Variants in TSPOAP1 observed in about 807,000 individuals in gnomAD.
The protein encoded by TSPOAP1 is peripheral-type benzodiazepine receptor-associated protein 1.
In TSPOAP1, 87 loss-of-function variants were observed where a neutral mutation model predicts 197.0. The observed-to-expected ratio is 0.44, with a 90% CI of 0.37 to 0.53. TSPOAP1 has a LOEUF of 0.53. Ranked by LOEUF, TSPOAP1 falls within the 20% of genes least tolerant of loss-of-function variation. The probability of loss-of-function intolerance (pLI) is 0.00; values close to 1 mark genes in which losing one functional copy is unlikely to be tolerated. For synonymous variants in TSPOAP1, 913 were observed against 998.9 expected (o/e 0.91, Z 1.62); for missense variants, 2,174 against 2,411.3 (o/e 0.90, Z 2.06).
In TSPOAP1 at chr17:58,322,188, G is replaced by T; in HGVS notation, c.1422+120C>A. ...CTGACTGCTCAGGGACCTGGTCTTT[G>T]TTCCCCACAGTCTCCCCGACGCCTA... is the stretch of plus-strand genomic sequence containing the variant. On this transcript the variant is annotated intron_variant, in intron 10 of 31. Coordinates refer to ENST00000343736, the MANE Select transcript of TSPOAP1 (RefSeq NM_004758.4). This position sits in a 1 kb window ranked among gnomAD's most constrained non-coding sequence, Gnocchi z 5.0. 9.9e-7 allele frequency: 1 copy of T among 1,005,036 alleles called. No homozygotes were observed. Among genetic ancestry groups the T allele is most frequent in the Non-Finnish European group, 1.5e-6 (1 of 678,982 alleles). 62.3% of individuals were successfully genotyped at this position (1,005,036 alleles called of 1,614,324 possible).
intron 10 of TSPOAP1, among the ~76,000 whole-genome samples, chr17:58,321,069 A>G (rs1971391605): frequency 6.6e-6 from 1 of 152,090 alleles, no homozygotes; most frequent in Non-Finnish European, 1.5e-5. Flanking sequence ...CCATAACCCC[A>G]GGCTCATGTA....
chr17:58,306,616 C>T lies in TSPOAP1; in HGVS notation c.5152+184G>A, dbSNP rs528335501. 2.6e-4 allele frequency: 242 copies of T among 915,270 alleles called. 2 individuals carry two copies. In the African/African-American group the frequency reaches 3.0e-3, roughly 11 times the overall value. The allele number at this position is 915,270 out of a possible 1,614,324, so 56.7% of individuals were successfully genotyped here. On this transcript the variant is annotated intron_variant, in intron 25 of 31. Transcript: ENST00000343736. ...TGGCTGTATTCCCCTCTGCAACAGA[C>T]GCCCACTCCACGCGGCCAGCCCACG...
chr17:58,325,772 C>T, intron 3 of TSPOAP1, 59 bp from the exon 4 acceptor site: 2 of 1,512,170 alleles, frequency 1.3e-6, no homozygotes, highest in Non-Finnish European at 1.8e-6. Context: ...TTCTCCCACT[C>T]CTCATCTCCT....
intron 4 of TSPOAP1, 59 bp downstream of exon 4, chr17:58,325,475 A>G: frequency 3.4e-5 from 55 of 1,598,766 alleles, no homozygotes; most frequent in Non-Finnish European, 4.7e-5. Flanking sequence ...GCATCCCACA[A>G]CAGGCAGATG....
intron 30 of TSPOAP1, 43 bp downstream of exon 30, chr17:58,305,018 G>A: frequency 6.7e-7 from 1 of 1,492,032 alleles, no homozygotes; most frequent in Non-Finnish European, 9.4e-7. Context: ...CCACCAGTAG[G>A]GTAGACTGCC....
rs551531178 is a variant in TSPOAP1 at position 58,324,027 on chromosome 17, T to G, written c.943-482A>C. ...AGTCCAGCCAGACCCTTCTCCTGGCTTCCCCCAAGCCCACCCTACCACACC... is the reference window on the plus strand; with the variant it reads ...AGTCCAGCCAGACCCTTCTCCTGGCGTCCCCCAAGCCCACCCTACCACACC... On this transcript the variant is annotated intron_variant, in intron 5 of 31. Coordinates refer to ENST00000343736, the MANE Select transcript of TSPOAP1 (RefSeq NM_004758.4). The surrounding 1 kb of genome is among the most constrained non-coding windows in gnomAD (Gnocchi z 5.8). Among the ~76,000 whole-genome samples, 1 of 152,276 alleles carries G rather than the reference T, an allele frequency of 6.6e-6. No individual in the cohort carries two copies. Among genetic ancestry groups the G allele is most frequent in the South Asian group, 2.1e-4 (1 of 4,824 alleles).
chr17:58,327,505 C>G, intron 1 of TSPOAP1, 83 bp downstream of exon 1: 1 of 1,446,134 alleles, frequency 6.9e-7, no homozygotes, highest in Non-Finnish European at 9.5e-7. Context: ...GGGATGCATA[C>G]CTCGCCTCAC....
At chr17:58,310,450 C>G in intron 20 of TSPOAP1, 62 bp downstream of exon 20, 1 of 1,587,542 alleles carries the variant, frequency 6.3e-7, no homozygotes, top group South Asian at 1.1e-5. Flanking sequence ...TTTGCGCTGG[C>G]AAAAGGTAGG....
chr17:58,322,074 A>G lies in TSPOAP1; in HGVS notation c.1422+234T>C. The G allele has an allele frequency of 1.9e-6, 1 of 539,866 alleles. No individual in the cohort carries two copies. The highest frequency in any genetic ancestry group is 3.3e-6 in the Non-Finnish European group (1 of 305,312). 33.4% of individuals were successfully genotyped at this position (539,866 alleles called of 1,614,324 possible). A position where few individuals can be genotyped will look rare whatever the true frequency, so the allele number is the denominator to read the frequency against. On this transcript the variant is annotated intron_variant, in intron 10 of 31. Transcript: ENST00000343736. The surrounding 1 kb of genome is among the most constrained non-coding windows in gnomAD (Gnocchi z 5.0). Reference sequence around the variant, plus strand: ...GACCTCTAAAGTGGCTCCTCACCCCATCCCAGTCACTTTGTCACATCACCC... The same window carrying G: ...GACCTCTAAAGTGGCTCCTCACCCCGTCCCAGTCACTTTGTCACATCACCC...
rs571811631 is a variant in TSPOAP1 at position 58,312,431 on chromosome 17, A to G, written c.2390T>C (p.Leu797Pro). The change falls in exon 17 of 32, where the codon CTG (leucine) becomes CCG (proline). Residue 797 changes from leucine to proline, a missense_variant. This residue lies in a region of TSPOAP1 where 1,933 missense variants were observed against 2,139.0 expected (regional missense o/e 0.90). Transcript: ENST00000343736. ...EPPAVPYPRR[L>P]VVLKQLAHSV... ...GTGGGCCAGCTGCTTGAGGACCACC[A>G]GACGGCGGGGGTAAGGCACGGCAGG... is the stretch of plus-strand genomic sequence containing the variant. The G allele has an allele frequency of 5.9e-5, 95 of 1,613,228 alleles. No individual in the cohort carries two copies. Among genetic ancestry groups the G allele is most frequent in the Admixed American group, 3.3e-5 (2 of 59,976 alleles).
chr17:58,310,946 G>A lies in TSPOAP1; in HGVS notation c.3349C>T (p.Gln1117Ter). ...PGPGDPSSPL[Q>*]HPAPLGTQEP... ...TGAGTTCCAAGGGGAGCAGGGTGCT[G>A]GAGAGGAGAGCTGGGGTCTCCAGGC... The change falls in exon 19 of 32, where the codon CAG becomes TAG. Residue 1117 changes from glutamine (Q) to a stop codon, truncating the protein, a stop_gained. Transcript: ENST00000343736. LOFTEE classifies it high-confidence loss of function. The A allele has an allele frequency of 6.3e-7, 1 of 1,577,964 alleles. No homozygotes were observed. Among genetic ancestry groups the A allele is most frequent in the Non-Finnish European group, 8.6e-7 (1 of 1,164,980 alleles).
intron 14 of TSPOAP1, 47 bp downstream of exon 14, chr17:58,318,233 C>G: frequency 6.2e-7 from 1 of 1,605,808 alleles, no homozygotes; most frequent in South Asian, 1.1e-5. Flanking sequence ...GCCCTGCACC[C>G]TTCCCCAAGC....
chr17:58,309,432 T>A lies in TSPOAP1; in HGVS notation c.3892-52A>T, dbSNP rs768683388. 7.7e-6 allele frequency: 12 copies of A among 1,549,888 alleles called. No individual in the cohort carries two copies. In the African/African-American group the frequency reaches 1.4e-4, roughly 18 times the overall value. On this transcript the variant is annotated intron_variant, in intron 21 of 31. Coordinates refer to ENST00000343736, the MANE Select transcript of TSPOAP1 (RefSeq NM_004758.4). The surrounding 1 kb of genome is among the most constrained non-coding windows in gnomAD (Gnocchi z 5.0). ...GAACACAGCAGGGAAGAGAGATGCG[T>A]GGGGAAGAGGAGAGCGAGCTGCGAT...
At chr17:58,302,704 C>G (rs1395052307) in intron 31 of TSPOAP1, 1 of 189,526 alleles carries the variant, frequency 5.3e-6, no homozygotes, top group African/African-American at 2.4e-5. Flanking sequence ...CACCTGTGAC[C>G]CTGGGCAGGC....
chr17:58,305,718 C>T (rs893801757), intron 27 of TSPOAP1, 75 bp from the exon 28 acceptor site: 3 of 1,448,484 alleles, frequency 2.1e-6, no homozygotes, highest in Non-Finnish European at 2.9e-6. Context: ...GCCCCGGACC[C>T]CTGCTGACCC....
Position 58,327,903 on chromosome 17 carries a change from G to C in TSPOAP1, c.18C>G (p.Thr6=), listed in dbSNP as rs777029994. MEQLT[T]LPRPGDPGAM... ...CTCCAGGGTCCCCAGGCCGTGGGAG[G>C]GTTGTCAGTTGCTCCATGGTACTGC... is the stretch of plus-strand genomic sequence containing the variant. The change falls in exon 1 of 32, where the codon ACC becomes ACG. Residue 6 remains threonine (T), a synonymous_variant. Transcript: ENST00000343736. The C allele has an allele frequency of 2.5e-6, 4 of 1,601,194 alleles. No individual in the cohort carries two copies. The South Asian group carries it at 3.3e-5, about 13-fold the overall frequency.
chr17:58,328,268 C>G lies in TSPOAP1; in HGVS notation c.-348G>C, dbSNP rs767145978. 5.7e-6 allele frequency: 2 copies of G among 349,152 alleles called. No individual in the cohort carries two copies. Among genetic ancestry groups the G allele is most frequent in the Non-Finnish European group, 1.1e-5 (2 of 183,252 alleles). 21.6% of individuals were successfully genotyped at this position (349,152 alleles called of 1,614,324 possible). A position where few individuals can be genotyped will look rare whatever the true frequency, so the allele number is the denominator to read the frequency against. ...GCGTGTGTGTGTCTCCAGGTCTGTC[C>G]GTGCAGGTCAATGCTGTCTCATGTG... On this transcript the variant is annotated 5_prime_UTR_variant, in exon 1 of 32. Transcript: ENST00000343736. This position sits in a 1 kb window ranked among gnomAD's most constrained non-coding sequence, Gnocchi z 4.3.
chr17:58,319,903 A>G (rs943990921), intron 12 of TSPOAP1, among the ~76,000 whole-genome samples: 3 of 152,134 alleles, frequency 2.0e-5, no homozygotes, highest in African/African-American at 7.2e-5. Context: ...GGGGAGGCCC[A>G]GTGTCTGACA....
At chr17:58,325,048 T>C in intron 4 of TSPOAP1, 46 bp from the exon 5 acceptor site, 1 of 1,453,398 alleles carries the variant, frequency 6.9e-7, no homozygotes, top group Non-Finnish European at 9.2e-7. Context: ...GGCCTAATCC[T>C]TGCCCGCCCC....
Sources: allele counts gnomAD v4.1 joint callset (sites outside exome capture counted in the v4.1 genomes callset), GRCh38; gene constraint gnomAD v4.1.1; regional missense constraint gnomAD v4.1.1; non-coding constraint Gnocchi (gnomAD v3.1); transcripts MANE v1.5; gene names NCBI Gene and HGNC (gene_info 2026-07-23, HGNC 2026-07-21).